The following TIMM23 variants were observed in gnomAD, a reference collection of about 807,000 sequenced individuals.
TIMM23 encodes the protein translocase of inner mitochondrial membrane 23.
Under a neutral mutation model 30.7 loss-of-function variants are expected in TIMM23, and 19 were observed. That is an observed-to-expected ratio of 0.62 (90% CI 0.43 to 0.91). The LOEUF (loss-of-function observed/expected upper bound fraction) is 0.91. TIMM23 is among the 40% of genes least tolerant of loss of function. The pLI, the probability that TIMM23 is intolerant of heterozygous loss-of-function variation, is 0.00. For missense variants in TIMM23, 202 were observed against 269.2 expected (o/e 0.75, Z 1.75); for synonymous variants, 78 against 98.5 (o/e 0.79, Z 1.23).
In TIMM23 at chr10:46,003,422, A is replaced by G. The variant is rs1838616790; in HGVS notation, c.*104A>G. 1.2e-6 allele frequency: 1 copy of G among 825,522 alleles called. No individual in the cohort carries two copies. The highest frequency in any genetic ancestry group is 1.7e-5 in the African/African-American group (1 of 57,912). The allele number at this position is 825,522 out of a possible 1,614,324, so 51.1% of individuals were successfully genotyped here. On this transcript the variant is annotated 3_prime_UTR_variant, in exon 7 of 7. Transcript: ENST00000580018. Reference sequence around the variant, plus strand: ...TCTCTTCTACCTACAATTAGTTTGAAAAATTGGAGATTTTGATTTGCTGTG... The same window carrying G: ...TCTCTTCTACCTACAATTAGTTTGAGAAATTGGAGATTTTGATTTGCTGTG...
chr10:45,994,896 T>G (rs1319613305), intron 6 of TIMM23, among the ~76,000 whole-genome samples: 3 of 152,110 alleles, frequency 2.0e-5, no homozygotes, highest in Non-Finnish European at 2.9e-5. Context: ...ATCTGGAAGT[T>G]GAAGTTATAT....
intron 6 of TIMM23, among the ~76,000 whole-genome samples, chr10:45,993,420 T>G (rs1838231359): frequency 6.6e-6 from 1 of 151,866 alleles, no homozygotes; most frequent in Admixed American, 6.6e-5. Flanking sequence ...GCCTGGCTAA[T>G]TTTGTGTATT....
intron 4 of TIMM23, among the ~76,000 whole-genome samples, chr10:45,983,193 C>T (rs1267991873): frequency 6.6e-6 from 1 of 152,242 alleles, no homozygotes; most frequent in East Asian, 1.9e-4. Flanking sequence ...GCACCTGTTA[C>T]ATTCTCCAAC....
chr10:45,996,988 T>C (rs1201782880), intron 6 of TIMM23, among the ~76,000 whole-genome samples: 1 of 123,338 alleles, frequency 8.1e-6, no homozygotes, highest in Non-Finnish European at 1.7e-5. Flanking sequence ...AAAAAAAAGA[T>C]AGATTCTAAG....
In TIMM23 at chr10:46,003,330, A is replaced by T; in HGVS notation, c.*12A>T. 6.3e-7 allele frequency: 1 copy of T among 1,591,238 alleles called. No homozygotes were observed. Among genetic ancestry groups the T allele is most frequent in the African/African-American group, 1.3e-5 (1 of 74,570 alleles). ...AACAGTCACTCTGAAGATTTTGCCA[A>T]CTCATGAATGGAGGACACTTCAGTA... On this transcript the variant is annotated 3_prime_UTR_variant, in exon 7 of 7. Coordinates refer to ENST00000580018, the MANE Select transcript of TIMM23 (RefSeq NM_006327.4).
rs1554912871 is a variant in TIMM23, at chr10:45,975,510, C to A, written c.163C>A (p.Gln55Lys). The change falls in exon 2 of 7, where the codon CAG becomes AAG. Residue 55 changes from glutamine to lysine, a missense_variant and splice_region_variant. Coordinates refer to ENST00000580018, the MANE Select transcript of TIMM23 (RefSeq NM_006327.4). ...AAATGTGGATCCACGATACCTCGTG[C>A]AGGTAAGATTAAGATTTTACTAGTT... is the stretch of plus-strand genomic sequence containing the variant. ...YLNVDPRYLV[Q>K]DTDEFILPTG... 6.2e-7 allele frequency: 1 copy of A among 1,613,888 alleles called. No homozygotes were observed. The highest frequency in any genetic ancestry group is 8.5e-7 in the Non-Finnish European group (1 of 1,179,848).
intron 6 of TIMM23, 101 bp from the exon 7 acceptor site, chr10:46,003,102 C>T (rs1458136172): frequency 4.3e-6 from 4 of 919,668 alleles, no homozygotes; most frequent in Middle Eastern, 4.4e-4. Flanking sequence ...CCTGAGCCAC[C>T]GTGCCCAGCC....
chr10:45,987,615 ATTTTTTTT>A (rs781826848), intron 5 of TIMM23, among the ~76,000 whole-genome samples: 15 of 79,140 alleles, frequency 1.9e-4, no homozygotes, highest in African/African-American at 7.1e-4. Flanking sequence ...TATTATAAAG[ATTTTTTTT>A]TTTTTTTTTT....
intron 2 of TIMM23, among the ~76,000 whole-genome samples, chr10:45,978,955 TAAAA>T (rs1178661262): frequency 3.9e-5 from 6 of 152,172 alleles, no homozygotes; most frequent in African/African-American, 1.4e-4. Flanking sequence ...TATTTGGTAA[TAAAA>T]AAAGAATTAT....
intron 5 of TIMM23, 38 bp from the exon 6 acceptor site, chr10:45,988,699 C>G (rs1219250382): frequency 8.9e-6 from 14 of 1,580,504 alleles, no homozygotes; most frequent in Non-Finnish European, 1.2e-5. Flanking sequence ...CACACTTTAT[C>G]ACTGTTTTGT....
At chr10:46,002,527 T>G in intron 6 of TIMM23, 1 of 982,640 alleles carries the variant, frequency 1.0e-6, no homozygotes, top group Non-Finnish European at 1.2e-6. Flanking sequence ...AGGTTGTTAA[T>G]ACTCTTTCCA....
rs1346157658 is a variant in TIMM23 at position 45,978,156 on chromosome 10, T to C, written c.165+2644T>C. 1.8e-3 allele frequency among the ~76,000 whole-genome samples: 272 copies of C among 151,786 alleles called. 1 individual carries two copies. Among genetic ancestry groups the C allele is most frequent in the Middle Eastern group, 6.8e-3 (2 of 294 alleles). On this transcript the variant is annotated intron_variant, in intron 2 of 6. Coordinates refer to ENST00000580018, the MANE Select transcript of TIMM23 (RefSeq NM_006327.4). The stretch of plus-strand genomic sequence containing the variant: ...CACTTGAGCCCAGGAGTTTGAGACC[T>C]GCCTGGCCAACATAAGAAGATCCCA...
At chr10:45,997,648 C>T (rs1554916964) in intron 6 of TIMM23, among the ~76,000 whole-genome samples, 1 of 152,008 alleles carries the variant, frequency 6.6e-6, no homozygotes, top group Non-Finnish European at 1.5e-5. Context: ...CTCATCTCTA[C>T]AAAAAATTTA....
At chr10:45,996,214 T>G (rs1435008159) in intron 6 of TIMM23, among the ~76,000 whole-genome samples, 4 of 142,810 alleles carry the variant, frequency 2.8e-5, no homozygotes, top group African/African-American at 8.5e-5. Context: ...ACAAAAACAT[T>G]ATCCGGGCAT....
intron 5 of TIMM23, among the ~76,000 whole-genome samples, chr10:45,985,991 T>C (rs1282659803): frequency 2.0e-5 from 3 of 152,238 alleles, no homozygotes; most frequent in Non-Finnish European, 2.9e-5. Flanking sequence ...TCATACCATA[T>C]TGTTTATGAA....
intron 1 of TIMM23, among the ~76,000 whole-genome samples, chr10:45,973,191 T>G (rs1406380148): frequency 3.3e-5 from 5 of 150,882 alleles, no homozygotes; most frequent in African/African-American, 4.9e-5. Context: ...ATAAATGACT[T>G]GGGACAGGCT....
At chr10:45,979,684 C>A (rs1837788182) in intron 2 of TIMM23, among the ~76,000 whole-genome samples, 1 of 136,932 alleles carries the variant, frequency 7.3e-6, no homozygotes, top group Admixed American at 8.3e-5. Flanking sequence ...CTAACGGCAT[C>A]TGACAGCTGC....
intron 2 of TIMM23, among the ~76,000 whole-genome samples, chr10:45,976,467 C>G (rs1206941871): frequency 5.4e-5 from 8 of 147,984 alleles, no homozygotes; most frequent in African/African-American, 1.8e-4. Context: ...AAAAATTAGC[C>G]AGGCGTGGTG....
intron 6 of TIMM23, among the ~76,000 whole-genome samples, chr10:45,999,523 G>C: frequency 6.6e-6 from 1 of 151,660 alleles, no homozygotes; most frequent in East Asian, 1.9e-4. Context: ...GTTTTTATTA[G>C]GGATTTTCAA....
Sources: allele counts gnomAD v4.1 joint callset (sites outside exome capture counted in the v4.1 genomes callset), GRCh38; gene constraint gnomAD v4.1.1; transcripts MANE v1.5; gene names NCBI Gene and HGNC (gene_info 2026-07-23, HGNC 2026-07-21).